Variants in INPP4B observed in about 807,000 individuals in gnomAD.
INPP4B encodes inositol polyphosphate 4-phosphatase type II.
Under a neutral mutation model 122.5 loss-of-function variants are expected in INPP4B, and 55 were observed. The ratio of observed to expected loss-of-function variants is 0.45; its 90% CI spans 0.36 to 0.56. The LOEUF is 0.56. Ranked by LOEUF, INPP4B falls within the 20% of genes least tolerant of loss-of-function variation. INPP4B has a pLI of 0.00. For missense variants in INPP4B, 1,000 were observed against 1,097.7 expected (o/e 0.91, Z 1.26); for synonymous variants, 403 against 388.7 (o/e 1.04, Z -0.43).
intron 2 of INPP4B, among the ~76,000 whole-genome samples, chr4:142,634,687 G>T (rs1014503853): frequency 6.6e-6 from 1 of 151,932 alleles, no homozygotes; most frequent in African/African-American, 2.4e-5. Flanking sequence ...AAAGATCTGT[G>T]AAAAAATTAT....
intron 23 of INPP4B, among the ~76,000 whole-genome samples, chr4:142,099,664 T>C: frequency 6.6e-6 from 1 of 152,184 alleles, no homozygotes; most frequent in East Asian, 1.9e-4. Flanking sequence ...GACTATTCTT[T>C]ATGTTTAGGA....
intron 2 of INPP4B, among the ~76,000 whole-genome samples, chr4:142,517,381 G>A (rs961707581): frequency 6.6e-6 from 1 of 152,014 alleles, no homozygotes; most frequent in African/African-American, 2.4e-5. Flanking sequence ...CTTGGTTCAG[G>A]TGTTGTAAAT....
intron 3 of INPP4B, among the ~76,000 whole-genome samples, chr4:142,442,444 A>AAAAT (rs1812029940): frequency 1.3e-5 from 2 of 151,628 alleles, no homozygotes; most frequent in Admixed American, 6.6e-5. Context: ...AGAGAAGAAA[A>AAAAT]AAATAAAAAG....
At chr4:142,243,897 T>TTTA (rs5862580) in intron 11 of INPP4B, among the ~76,000 whole-genome samples, 85,381 of 148,702 alleles carry the variant, frequency 0.57, 27,056 homozygotes, top group Non-Finnish European at 0.7. Context: ...TAGAACAAAC[T>TTTA]TTATTATTAT....
intron 1 of INPP4B, among the ~76,000 whole-genome samples, chr4:142,789,502 C>T (rs759974550): frequency 7.2e-5 from 11 of 152,068 alleles, no homozygotes; most frequent in South Asian, 2.1e-4. Context: ...AAAAATACTT[C>T]GGAATATACC....
intron 2 of INPP4B, among the ~76,000 whole-genome samples, chr4:142,549,798 A>G (rs965846143): frequency 2.0e-5 from 3 of 152,164 alleles, no homozygotes; most frequent in African/African-American, 4.8e-5. Flanking sequence ...GGCCTATGGC[A>G]GTTCAGAAAT....
intron 2 of INPP4B, chr4:142,566,292 C>T (rs1008101120): frequency 3.9e-5 from 6 of 152,112 alleles, no homozygotes; most frequent in African/African-American, 1.4e-4. Flanking sequence ...ATAATAATCT[C>T]AACCAGAGTA....
intron 7 of INPP4B, chr4:142,383,739 C>T (rs1016028044): frequency 1.3e-5 from 3 of 239,974 alleles, no homozygotes; most frequent in African/African-American, 6.7e-5. Flanking sequence ...GAAATATAAG[C>T]TTCAAGGATA....
intron 7 of INPP4B, among the ~76,000 whole-genome samples, chr4:142,328,458 C>T (rs915185551): frequency 7.2e-5 from 11 of 152,126 alleles, no homozygotes; most frequent in African/African-American, 2.4e-4. Flanking sequence ...ATGGTATTTT[C>T]CTTTTTTGCT....
intron 2 of INPP4B, among the ~76,000 whole-genome samples, chr4:142,591,105 A>G (rs1737390702): frequency 6.6e-6 from 1 of 152,088 alleles, no homozygotes; most frequent in Admixed American, 6.6e-5. Context: ...ACTTGAGCCC[A>G]GGAGTTCTAA....
chr4:142,318,712 T>G (rs971353049), intron 7 of INPP4B, among the ~76,000 whole-genome samples: 1 of 152,166 alleles, frequency 6.6e-6, no homozygotes, highest in Non-Finnish European at 1.5e-5. Context: ...ATCTTGAATA[T>G]TTTTTAAGGT....
chr4:142,819,350 C>T (rs1167925478), intron 1 of INPP4B, among the ~76,000 whole-genome samples: 1 of 152,118 alleles, frequency 6.6e-6, no homozygotes, highest in Non-Finnish European at 1.5e-5. Context: ...TTCCAACCAA[C>T]TTGTAAAGAT....
intron 9 of INPP4B, among the ~76,000 whole-genome samples, chr4:142,288,797 G>C (rs1393946157): frequency 6.6e-6 from 1 of 151,850 alleles, no homozygotes; most frequent in East Asian, 1.9e-4. Flanking sequence ...CTGTATAATG[G>C]GGATAATAAT....
intron 7 of INPP4B, among the ~76,000 whole-genome samples, chr4:142,394,515 C>T (rs753335142): frequency 1.3e-5 from 2 of 152,158 alleles, no homozygotes; most frequent in Non-Finnish European, 2.9e-5. Flanking sequence ...GCCATTCTAA[C>T]AAGTGTGAGG....
At chr4:142,768,862 G>T (rs757152279) in intron 1 of INPP4B, among the ~76,000 whole-genome samples, 13 of 152,160 alleles carry the variant, frequency 8.5e-5, no homozygotes, top group Non-Finnish European at 1.5e-4. Flanking sequence ...GCCTTAGTTT[G>T]GGATTAATTC....
intron 1 of INPP4B, among the ~76,000 whole-genome samples, chr4:142,796,884 G>C (rs1341059468): frequency 6.9e-6 from 1 of 144,788 alleles, no homozygotes; most frequent in Non-Finnish European, 1.5e-5. Flanking sequence ...GTGTGTGTGT[G>C]TGTGTGTGTG....
chr4:142,268,368 G>C (rs1010481391), intron 10 of INPP4B, among the ~76,000 whole-genome samples: 4 of 111,842 alleles, frequency 3.6e-5, no homozygotes, highest in Non-Finnish European at 8.1e-5. Flanking sequence ...TACTGGTGAG[G>C]GTGTAGAGGG....
intron 14 of INPP4B, 35 bp from the exon 15 acceptor site, chr4:142,193,230 G>T: frequency 8.1e-7 from 1 of 1,241,010 alleles, no homozygotes; most frequent in Non-Finnish European, 1.2e-6. Flanking sequence ...TGAACACTTT[G>T]CAAACATTTA....
At chr4:142,814,301 C>CCCCA (rs1242003134) in intron 1 of INPP4B, among the ~76,000 whole-genome samples, 2 of 152,144 alleles carry the variant, frequency 1.3e-5, no homozygotes, top group African/African-American at 4.8e-5. Context: ...TCACCCACAT[C>CCCCA]CCCAGCCTTT....
Sources: gnomAD v4.1 joint callset for allele counts (sites outside exome capture counted in the v4.1 genomes callset) on GRCh38, gnomAD v4.1.1 for gene constraint, MANE v1.5 for transcripts, NCBI Gene and HGNC (gene_info 2026-07-23, HGNC 2026-07-21) for gene names.